The following BCAP29 variants were observed in gnomAD, a reference collection of about 807,000 sequenced individuals.
BCAP29 encodes B-cell receptor-associated protein 29.
BCAP29 carries 34 observed loss-of-function variants against 31.8 expected under a neutral mutation model. That is an observed-to-expected ratio of 1.07 (90% CI 0.81 to 1.42). The LOEUF is 1.42. Among genes scored for constraint, BCAP29 ranks in the 40% most tolerant of loss-of-function variants. The pLI is 0.00. For synonymous variants in BCAP29, 104 were observed against 91.3 expected (o/e 1.14, Z -0.79); for missense variants, 314 against 269.2 (o/e 1.17, Z -1.16).
rs1563141452 is a variant in BCAP29, at chr7:107,612,428, TATATATATA to T, written c.590-903_590-895del. ...ATATATATATATATATATATATATA[TATATATATA>T]TATTTATTTTACTTCTATCTAAGGC... On this transcript the variant is annotated intron_variant, in intron 6 of 7. Coordinates refer to ENST00000005259, the MANE Select transcript of BCAP29 (RefSeq NM_018844.4). Among the ~76,000 whole-genome samples, 54 of 42,734 alleles carry T rather than the reference TATATATATA, an allele frequency of 1.3e-3. 2 individuals are homozygous for T. Among genetic ancestry groups the T allele is most frequent in the Admixed American group, 2.3e-3 (8 of 3,524 alleles). 28.0% of individuals were successfully genotyped at this position (42,734 alleles called of 152,430 possible).
rs1248149786 is a variant in BCAP29 at position 107,618,521 on chromosome 7, G to A, written c.*158G>A. The A allele has an allele frequency of 8.7e-6, 14 of 1,609,144 alleles. No homozygotes were observed. Among genetic ancestry groups the A allele is most frequent in the Non-Finnish European group, 1.2e-5 (14 of 1,176,004 alleles). On this transcript the variant is annotated 3_prime_UTR_variant, in exon 8 of 8. Coordinates refer to ENST00000005259, the MANE Select transcript of BCAP29 (RefSeq NM_018844.4). ...TTGTAATGGCATTATCAAAATATTT[G>A]ATGATGTTTCAGATATATTGCAAAG... is the stretch of plus-strand genomic sequence containing the variant.
At chr7:107,608,441 A>C (rs1812552214) in intron 6 of BCAP29, among the ~76,000 whole-genome samples, 1 of 152,116 alleles carries the variant, frequency 6.6e-6, no homozygotes, top group Non-Finnish European at 1.5e-5. Flanking sequence ...TCCCTTTGAC[A>C]CATTTCCATT....
rs148538019 is a variant in BCAP29, at chr7:107,601,912, T to C, written c.589+1407T>C. Among the ~76,000 whole-genome samples, 549 of 152,350 alleles carry C rather than the reference T, an allele frequency of 3.6e-3. 2 individuals carry two copies. Among genetic ancestry groups the C allele is most frequent in the African/African-American group, 0.013 (527 of 41,592 alleles). ...AGAGTGTATGTGTGCTACACTTCTC[T>C]TAACCCTGCACAATTGAGTTTCTCC... is the stretch of plus-strand genomic sequence containing the variant. On this transcript the variant is annotated intron_variant, in intron 6 of 7. Transcript: ENST00000005259.
At chr7:107,596,112 C>A in intron 5 of BCAP29, 110 bp downstream of exon 5, 1 of 901,964 alleles carries the variant, frequency 1.1e-6, no homozygotes, top group East Asian at 3.0e-5. Context: ...CAGAAAATGA[C>A]CATAATTAAC....
At chr7:107,609,705 G>A (rs1459477855) in intron 6 of BCAP29, among the ~76,000 whole-genome samples, 1 of 152,128 alleles carries the variant, frequency 6.6e-6, no homozygotes, top group Non-Finnish European at 1.5e-5. Context: ...CAAGTATCTT[G>A]GAAGCATTAC....
chr7:107,621,845 G>C (rs1815003808), downstream of BCAP29: 1 of 530,694 alleles, frequency 1.9e-6, no homozygotes, highest in South Asian at 1.4e-5. Flanking sequence ...CCAGAACTAT[G>C]GGAATAAATT....
intron 7 of BCAP29, among the ~76,000 whole-genome samples, chr7:107,617,139 A>G (rs948370063): frequency 2.6e-5 from 4 of 152,186 alleles, no homozygotes; most frequent in Non-Finnish European, 5.9e-5. Flanking sequence ...AGCTCTATCA[A>G]ATTGTCCTCA....
At chr7:107,581,316 G>A (rs1806618697) in intron 2 of BCAP29, among the ~76,000 whole-genome samples, 1 of 152,116 alleles carries the variant, frequency 6.6e-6, no homozygotes, top group Non-Finnish European at 1.5e-5. Context: ...ATTATTCTTA[G>A]TTTTCGCCTT....
In BCAP29 at chr7:107,609,659, T is replaced by C. The variant is rs563453000; in HGVS notation, c.590-3673T>C. Among the ~76,000 whole-genome samples, 6 of 152,358 alleles carry C rather than the reference T, an allele frequency of 3.9e-5. No individual in the cohort carries two copies. The East Asian group carries it at 1.2e-3, about 29-fold the overall frequency. On this transcript the variant is annotated intron_variant, in intron 6 of 7. Transcript: ENST00000005259. ...GATAATATAATTAAACCACAGTTTA[T>C]GTCCTTACTGAACAGAAGTTTGTAT... is the stretch of plus-strand genomic sequence containing the variant.
At position 107,613,423 on chromosome 7, in the gene BCAP29, T is replaced by C. The variant is rs1813584572; in HGVS notation, c.681T>C (p.Ser227=). ...ATGATCAACTCCTGAAAGAACACTC[T>C]GAACTTCAGGTGGGTGTGACATGCA... ...KEYDQLLKEH[S]ELQDRLERGN... is the part of the protein sequence containing the mutation. The change falls in exon 7 of 8, where the codon TCT becomes TCC. Residue 227 remains serine (S), a synonymous_variant. Transcript: ENST00000005259. The C allele has an allele frequency of 6.2e-7, 1 of 1,604,710 alleles. No individual in the cohort carries two copies. The highest frequency in any genetic ancestry group is 8.5e-7 in the Non-Finnish European group (1 of 1,172,032).
chr7:107,613,468 T>C lies in BCAP29; in HGVS notation c.690+36T>C, dbSNP rs190861851. 111 of 1,479,048 alleles carry C rather than the reference T, an allele frequency of 7.5e-5. 1 individual carries two copies. In the East Asian group the frequency reaches 2.2e-3, roughly 29 times the overall value. The allele number at this position is 1,479,048 out of a possible 1,614,324, so 91.6% of individuals were successfully genotyped here. On this transcript the variant is annotated intron_variant, in intron 7 of 7. Coordinates refer to ENST00000005259, the MANE Select transcript of BCAP29 (RefSeq NM_018844.4). ...CATGCACTTTATGCACCTAAATGTT[T>C]TGAAATAGTAATTACCTAAGTAAAT...
At chr7:107,595,716 A>G in intron 4 of BCAP29, 151 bp from the exon 5 acceptor site, 1 of 722,784 alleles carries the variant, frequency 1.4e-6, no homozygotes, top group Non-Finnish European at 2.1e-6. Context: ...TTACTAAGAG[A>G]CTTGAATTAA....
At chr7:107,589,950 T>A (rs1208707070) in intron 3 of BCAP29, among the ~76,000 whole-genome samples, 1 of 152,146 alleles carries the variant, frequency 6.6e-6, no homozygotes, top group Non-Finnish European at 1.5e-5. Flanking sequence ...GCCCAGCCCC[T>A]ACAGAGTATG....
At chr7:107,585,771 A>T (rs1447895733) in intron 3 of BCAP29, among the ~76,000 whole-genome samples, 3 of 152,148 alleles carry the variant, frequency 2.0e-5, no homozygotes, top group Non-Finnish European at 2.9e-5. Context: ...AGGTGGATCA[A>T]CCTAAGGTCA....
intron 3 of BCAP29, among the ~76,000 whole-genome samples, chr7:107,592,017 C>T (rs1808956133): frequency 6.6e-6 from 1 of 151,934 alleles, no homozygotes. Flanking sequence ...CATCTCCTGG[C>T]CTCATGCTAT....
intron 4 of BCAP29, among the ~76,000 whole-genome samples, chr7:107,594,901 C>T (rs1412534074): frequency 1.3e-5 from 2 of 152,048 alleles, no homozygotes; most frequent in African/African-American, 4.8e-5. Flanking sequence ...TCCATAAGGC[C>T]CTGAATGATT....
At chr7:107,613,743 C>G (rs778570707) in intron 7 of BCAP29, 1 of 1,610,918 alleles carries the variant, frequency 6.2e-7, no homozygotes, top group East Asian at 2.2e-5. Flanking sequence ...GTGAGTTTTG[C>G]TCTTTGGGAT....
chr7:107,592,018 C>T (rs913632132), intron 3 of BCAP29, among the ~76,000 whole-genome samples: 2 of 151,928 alleles, frequency 1.3e-5, no homozygotes, highest in Non-Finnish European at 2.9e-5. Context: ...ATCTCCTGGC[C>T]TCATGCTATC....
At position 107,618,330 on chromosome 7, in the gene BCAP29, T is replaced by C; in HGVS notation, c.693T>C (p.Asp231=). The C allele has an allele frequency of 6.3e-7, 1 of 1,577,360 alleles. No homozygotes were observed. The highest frequency in any genetic ancestry group is 8.6e-7 in the Non-Finnish European group (1 of 1,160,924). ...AAATCATATTTTTTTCCTTACAGGA[T>C]CGTTTAGAAAGAGGCAACAAGAAAA... is the stretch of plus-strand genomic sequence containing the variant. The part of the protein sequence containing the change: ...QLLKEHSELQ[D]RLERGNKKRL Residue 231 remains aspartate (D), a splice_region_variant and synonymous_variant, in exon 8 of 8, where the codon GAT becomes GAC. Transcript: ENST00000005259.
Sources: gnomAD v4.1 joint callset for allele counts (sites outside exome capture counted in the v4.1 genomes callset) on GRCh38, gnomAD v4.1.1 for gene constraint, MANE v1.5 for transcripts, NCBI Gene and HGNC (gene_info 2026-07-23, HGNC 2026-07-21) for gene names.